The following ZNF679 variants were observed in gnomAD, a reference collection of about 807,000 sequenced individuals.
ZNF679 encodes zinc finger protein 679.
In ZNF679, 10 loss-of-function variants were observed where a neutral mutation model predicts 13.4. The observed-to-expected ratio is 0.75, with a 90% CI of 0.46 to 1.27. The LOEUF (loss-of-function observed/expected upper bound fraction) is 1.27. ZNF679 is among the 50% of genes most tolerant of loss of function. The pLI is 0.00. For missense variants in ZNF679, 525 were observed against 477.8 expected (o/e 1.10, Z -0.92); for synonymous variants, 179 against 162.5 (o/e 1.10, Z -0.77).
chr7:64,236,911 AAAG>A (rs1787722709), intron 1 of ZNF679, among the ~76,000 whole-genome samples: 1 of 121,626 alleles, frequency 8.2e-6, no homozygotes, highest in Admixed American at 9.5e-5. Context: ...AGAAAAAAAG[AAAG>A]AAAGAAAGAA....
At chr7:64,229,006 A>T (rs745746440) in intron 1 of ZNF679, among the ~76,000 whole-genome samples, 1 of 152,166 alleles carries the variant, frequency 6.6e-6, no homozygotes, top group Non-Finnish European at 1.5e-5. Flanking sequence ...AGATCTTCAC[A>T]CAACATGCTT....
chr7:64,251,039 A>C (rs930212237), intron 2 of ZNF679, among the ~76,000 whole-genome samples: 24 of 152,234 alleles, frequency 1.6e-4, no homozygotes, highest in African/African-American at 5.5e-4. Context: ...GTCCTTTCTT[A>C]TATGTTTCAG....
At chr7:64,245,550 A>T (rs1787858017) in intron 1 of ZNF679, among the ~76,000 whole-genome samples, 1 of 152,170 alleles carries the variant, frequency 6.6e-6, no homozygotes, top group African/African-American at 2.4e-5. Flanking sequence ...TTGAATCAAA[A>T]GTTTAGGTGA....
intron 2 of ZNF679, among the ~76,000 whole-genome samples, chr7:64,255,387 C>T (rs1451074356): frequency 6.6e-6 from 1 of 152,144 alleles, no homozygotes; most frequent in Non-Finnish European, 1.5e-5. Context: ...GCCAAAATCC[C>T]ATTAATGTGC....
intron 1 of ZNF679, among the ~76,000 whole-genome samples, chr7:64,236,243 C>T (rs1787709954): frequency 2.0e-5 from 3 of 151,976 alleles, no homozygotes; most frequent in Admixed American, 1.3e-4. Context: ...CCAGCCTGGG[C>T]AACAGGATGA....
chr7:64,236,975 A>AAGAAAAAG (rs201487010), intron 1 of ZNF679, among the ~76,000 whole-genome samples: 28 of 16,266 alleles, frequency 1.7e-3, no homozygotes, highest in South Asian at 4.3e-3. Flanking sequence ...GAAAGAAAGA[A>AAGAAAAAG]AAAGAAAGAA....
chr7:64,266,410 G>T lies in ZNF679; in HGVS notation c.777G>T (p.Arg259Ser), dbSNP rs1186399346. Residue 259 changes from arginine (R) to serine (S), a missense_variant, in exon 5 of 5, where the codon AGG becomes AGT. Transcript: ENST00000421025. ...FTWSSTLTKH[R>S]RIHTGEKPYT... The stretch of plus-strand genomic sequence containing the variant: ...GGTCCTCAACCCTTACTAAACATAG[G>T]AGAATTCATACTGGAGAAAAACCCT... 1.2e-6 allele frequency: 2 copies of T among 1,612,730 alleles called. No individual in the cohort carries two copies. Among genetic ancestry groups the T allele is most frequent in the African/African-American group, 1.3e-5 (1 of 74,852 alleles).
Position 64,266,305 on chromosome 7 carries a change from T to C in ZNF679, c.672T>C (p.Ser224=). The change falls in exon 5 of 5, where the codon TCT becomes TCC. Residue 224 remains serine, a synonymous_variant. Coordinates refer to ENST00000421025, the MANE Select transcript of ZNF679 (RefSeq NM_153363.3). Reference sequence around the variant, plus strand: ...AATGCGGCAAACCCTTCAACTGCTCTTCAACCCTTTCTAAACATAAAAGAA... The same window carrying C: ...AATGCGGCAAACCCTTCAACTGCTCCTCAACCCTTTCTAAACATAAAAGAA... ...CEECGKPFNC[S]STLSKHKRIH... 6.2e-7 allele frequency: 1 copy of C among 1,609,656 alleles called. No individual in the cohort carries two copies. Among genetic ancestry groups the C allele is most frequent in the Non-Finnish European group, 8.5e-7 (1 of 1,177,830 alleles).
intron 4 of ZNF679, among the ~76,000 whole-genome samples, chr7:64,264,652 C>A (rs943941504): frequency 1.2e-4 from 18 of 151,892 alleles, no homozygotes; most frequent in Non-Finnish European, 4.4e-5. Flanking sequence ...ATTATTCTCA[C>A]CATGAAGATT....
At chr7:64,254,478 A>ATT (rs35539896) in intron 2 of ZNF679, among the ~76,000 whole-genome samples, 54 of 148,288 alleles carry the variant, frequency 3.6e-4, no homozygotes, top group African/African-American at 7.5e-4. Context: ...CTTCCCCAAC[A>ATT]TTTTTTTTTT....
chr7:64,229,907 A>G (rs1249643673), intron 1 of ZNF679, among the ~76,000 whole-genome samples: 1 of 152,216 alleles, frequency 6.6e-6, no homozygotes, highest in African/African-American at 2.4e-5. Context: ...GGAAAGCCAC[A>G]TCACCTGAGT....
At chr7:64,233,838 G>A (rs1455978282) in intron 1 of ZNF679, among the ~76,000 whole-genome samples, 1 of 152,118 alleles carries the variant, frequency 6.6e-6, no homozygotes, top group Non-Finnish European at 1.5e-5. Context: ...CTGGAGATGG[G>A]GAAAATGGAA....
intron 2 of ZNF679, among the ~76,000 whole-genome samples, chr7:64,253,891 G>T (rs1033612341): frequency 2.0e-5 from 3 of 152,098 alleles, no homozygotes; most frequent in African/African-American, 7.2e-5. Flanking sequence ...TGGGAAAAAA[G>T]AAAAATGTAA....
intron 1 of ZNF679, among the ~76,000 whole-genome samples, chr7:64,242,781 T>TC: frequency 6.7e-6 from 1 of 148,778 alleles, no homozygotes; most frequent in African/African-American, 2.4e-5. Context: ...TTTTTTTTTT[T>TC]AAGTAGAAAA....
chr7:64,232,783 T>G (rs936433854), intron 1 of ZNF679, among the ~76,000 whole-genome samples: 2 of 152,164 alleles, frequency 1.3e-5, no homozygotes, highest in African/African-American at 2.4e-5. Flanking sequence ...CAATCTTCAC[T>G]TGGGGCAGGG....
intron 2 of ZNF679, among the ~76,000 whole-genome samples, chr7:64,257,418 G>T (rs1247716938): frequency 6.6e-6 from 1 of 151,876 alleles, no homozygotes; most frequent in Non-Finnish European, 1.5e-5. Context: ...TTGATTTATT[G>T]TTCTATATAT....
intron 1 of ZNF679, among the ~76,000 whole-genome samples, chr7:64,229,728 C>A (rs1584221477): frequency 6.6e-6 from 1 of 152,112 alleles, no homozygotes; most frequent in South Asian, 2.1e-4. Context: ...AGTAAAAAAT[C>A]TGTTGTATTT....
At chr7:64,236,995 GAAAGAA>G (rs770900261) in intron 1 of ZNF679, among the ~76,000 whole-genome samples, 594 of 51,956 alleles carry the variant, frequency 0.011, 38 homozygotes, top group East Asian at 0.088. Flanking sequence ...AAGAAAGAAA[GAAAGAA>G]AAAGAAAGAA....
At chr7:64,238,136 A>G (rs1400680908) in intron 1 of ZNF679, among the ~76,000 whole-genome samples, 1 of 152,130 alleles carries the variant, frequency 6.6e-6, no homozygotes, top group African/African-American at 2.4e-5. Context: ...TTAAGTTTTT[A>G]TCTTTCCCCC....
Sources: gnomAD v4.1 joint callset for allele counts (sites outside exome capture counted in the v4.1 genomes callset) on GRCh38, gnomAD v4.1.1 for gene constraint, MANE v1.5 for transcripts, NCBI Gene and HGNC (gene_info 2026-07-23, HGNC 2026-07-21) for gene names.